The following ESYT2 variants were observed in gnomAD, a reference collection of about 807,000 sequenced individuals.
ESYT2 encodes extended synaptotagmin 2.
A neutral mutation model predicts 107.2 loss-of-function variants in ESYT2; 54 were observed. The observed-to-expected ratio is 0.50, with a 90% CI of 0.40 to 0.63. The LOEUF (loss-of-function observed/expected upper bound fraction) is 0.63. Ranked by LOEUF, ESYT2 falls within the 30% of genes least tolerant of loss-of-function variation. The probability of loss-of-function intolerance (pLI) is 0.00; values close to 1 mark genes in which losing one functional copy is unlikely to be tolerated. For missense variants in ESYT2, 1,020 were observed against 1,094.5 expected (o/e 0.93, Z 0.96); for synonymous variants, 491 against 434.1 (o/e 1.13, Z -1.63).
At chr7:158,829,028 T>C (rs2129474572) in intron 1 of ESYT2, 61 bp downstream of exon 1, 3 of 1,539,274 alleles carry the variant, frequency 1.9e-6, no homozygotes, top group Non-Finnish European at 2.6e-6. Flanking sequence ...AGTGCCTGCC[T>C]GGACGAGGGG....
intron 1 of ESYT2, among the ~76,000 whole-genome samples, chr7:158,817,895 C>A (rs1252768517): frequency 2.6e-5 from 4 of 152,148 alleles, no homozygotes; most frequent in Admixed American, 1.3e-4. Context: ...GCAGCATAAT[C>A]AAAAACTAGC....
chr7:158,748,643 C>T (rs934281711), intron 15 of ESYT2, among the ~76,000 whole-genome samples: 2 of 152,034 alleles, frequency 1.3e-5, no homozygotes, highest in Non-Finnish European at 2.9e-5. Flanking sequence ...CACTTGGGCA[C>T]GTCTCTTAAA....
In ESYT2 at chr7:158,741,771, G is replaced by A. The variant is rs1837217662; in HGVS notation, c.1920C>T (p.Gly640=). ...ATGGAGCTGTGTTGCTGCCACCAGG[G>A]CCTGGAGACCCAGACATATGAGATT... ...SIKSHMSGSP[G]PGGSNTAPST... The change falls in exon 18 of 23, where the codon GGC becomes GGT. Residue 640 remains glycine (G), a synonymous_variant. Transcript: ENST00000275418. 6.2e-7 allele frequency: 1 copy of A among 1,614,034 alleles called. No individual in the cohort carries two copies. The highest frequency in any genetic ancestry group is 8.5e-7 in the Non-Finnish European group (1 of 1,180,004).
Position 158,735,538 on chromosome 7 carries a change from C to T in ESYT2, c.2470G>A (p.Gly824Ser), listed in dbSNP as rs140102771. ...TLDVAVKNSG[G>S]FLSKDKGLLG... ...AGCCCTTTGTCTTTGGACAGGAAGC[C>T]GCCACTGTTCTTCACGGCAACGTCG... Residue 824 changes from glycine to serine, a missense_variant, in exon 21 of 23, where the codon GGC becomes AGC. Coordinates refer to ENST00000275418, the MANE Select transcript of ESYT2 (RefSeq NM_001367773.1). The T allele has an allele frequency of 3.5e-5, 57 of 1,614,008 alleles. No homozygotes were observed. The highest frequency in any genetic ancestry group is 2.2e-5 in the South Asian group (2 of 91,078).
At chr7:158,767,865 G>GT in intron 7 of ESYT2, 91 bp from the exon 8 acceptor site, 3 of 1,439,172 alleles carry the variant, frequency 2.1e-6, no homozygotes, top group Non-Finnish European at 2.8e-6. Flanking sequence ...CGAATATGAT[G>GT]TAAGTCCCAT....
chr7:158,798,196 A>T, intron 2 of ESYT2, 120 bp from the exon 3 acceptor site: 2 of 1,047,192 alleles, frequency 1.9e-6, no homozygotes, highest in Non-Finnish European at 2.7e-6. Flanking sequence ...GGGCGGGAGG[A>T]TCTTGTTGTT....
intron 12 of ESYT2, 111 bp from the exon 13 acceptor site, chr7:158,759,692 A>G (rs1837893819): frequency 2.4e-6 from 2 of 825,752 alleles, no homozygotes; most frequent in East Asian, 2.6e-5. Flanking sequence ...GTGAGAAACC[A>G]TCCAATCCAT....
intron 8 of ESYT2, among the ~76,000 whole-genome samples, 186 bp from the exon 9 acceptor site, chr7:158,765,039 G>C (rs571805606): frequency 2.0e-5 from 3 of 152,318 alleles, no homozygotes; most frequent in African/African-American, 7.2e-5. Context: ...CAGGTGCTGA[G>C]ACAAACAAGA....
intron 4 of ESYT2, among the ~76,000 whole-genome samples, chr7:158,789,073 C>T (rs1839197947): frequency 6.6e-6 from 1 of 152,104 alleles, no homozygotes; most frequent in African/African-American, 2.4e-5. Context: ...GGACCTGAAC[C>T]CAACCCTTGG....
chr7:158,820,321 T>C (rs1292219365), intron 1 of ESYT2, among the ~76,000 whole-genome samples: 1 of 152,172 alleles, frequency 6.6e-6, no homozygotes, highest in African/African-American at 2.4e-5. Flanking sequence ...AGCAACAATA[T>C]AATATATTCT....
chr7:158,774,463 A>T (rs1179217749), intron 6 of ESYT2, among the ~76,000 whole-genome samples: 2 of 115,196 alleles, frequency 1.7e-5, no homozygotes, highest in Admixed American at 9.5e-5. Flanking sequence ...CTTAAAATAA[A>T]TGTTTTTCCC....
chr7:158,741,574 G>T lies in ESYT2; in HGVS notation c.2117C>A (p.Ser706Ter), dbSNP rs1451511070. The T allele has an allele frequency of 3.7e-6, 6 of 1,606,792 alleles. No homozygotes were observed. The highest frequency in any genetic ancestry group is 1.3e-5 in the African/African-American group (1 of 74,800). ...EPTPSIASDI[S>*]LPIATQELRQ... ...CAGCTCCTGGGTGGCGATGGGCAGC[G>T]AGATGTCCGAGGCGATGCTGGGGGT... Residue 706 changes from serine (S) to a stop codon, truncating the protein, a stop_gained, in exon 18 of 23, where the codon TCG (serine) becomes TAG (stop). Coordinates refer to ENST00000275418, the MANE Select transcript of ESYT2 (RefSeq NM_001367773.1). LOFTEE classifies it high-confidence loss of function.
chr7:158,741,050 A>G (rs1322620525), intron 18 of ESYT2, among the ~76,000 whole-genome samples: 1 of 152,212 alleles, frequency 6.6e-6, no homozygotes, highest in Non-Finnish European at 1.5e-5. Context: ...GGGCTTAAAT[A>G]AGGAGCCAAC....
chr7:158,803,667 CACAACAAAAGG>C (rs1388077338), intron 1 of ESYT2, among the ~76,000 whole-genome samples: 5 of 152,186 alleles, frequency 3.3e-5, no homozygotes, highest in Non-Finnish European at 4.4e-5. Context: ...TCACACACAG[CACAACAAAAGG>C]GAGTCCAAGG....
At chr7:158,776,100 T>C (rs115497591) in intron 6 of ESYT2, among the ~76,000 whole-genome samples, 178 of 152,332 alleles carry the variant, frequency 1.2e-3, no homozygotes, top group African/African-American at 4.1e-3. Context: ...GCAGCAGGTC[T>C]GGACAGTGGG....
At chr7:158,746,229 G>GACAC (rs55828446) in intron 16 of ESYT2, among the ~76,000 whole-genome samples, 4,301 of 147,916 alleles carry the variant, frequency 0.029, 109 homozygotes, top group East Asian at 0.12. Context: ...TACATAAATA[G>GACAC]ACACACACAC....
chr7:158,742,575 C>T (rs1837253209), intron 17 of ESYT2, among the ~76,000 whole-genome samples: 1 of 152,224 alleles, frequency 6.6e-6, no homozygotes, highest in Admixed American at 6.5e-5. Context: ...CCCTGCTATC[C>T]AGCAAGATCA....
intron 16 of ESYT2, 107 bp from the exon 17 acceptor site, chr7:158,743,785 A>G (rs1563620301): frequency 7.7e-7 from 1 of 1,294,906 alleles, no homozygotes; most frequent in East Asian, 3.0e-5. Flanking sequence ...AGGAACTTAG[A>G]AAATGTAGAA....
rs184119954 is a variant in ESYT2, at chr7:158,821,772, T to C, written c.330+7317A>G. ...AGTTACAACCCTATCAGAACTTCCA[T>C]GCATTTCCCTCCAGATGAGACGGCC... On this transcript the variant is annotated intron_variant, in intron 1 of 22. Coordinates refer to ENST00000275418, the MANE Select transcript of ESYT2 (RefSeq NM_001367773.1). Among the ~76,000 whole-genome samples, 7 of 152,328 alleles carry C rather than the reference T, an allele frequency of 4.6e-5. No individual in the cohort carries two copies. In the South Asian group the frequency reaches 8.3e-4, roughly 18 times the overall value.
Sources: allele counts gnomAD v4.1 joint callset (sites outside exome capture counted in the v4.1 genomes callset), GRCh38; gene constraint gnomAD v4.1.1; transcripts MANE v1.5; gene names NCBI Gene and HGNC (gene_info 2026-07-23, HGNC 2026-07-21).